TBC1D30: variants seen among roughly 807,000 people sequenced by gnomAD.
The protein encoded by TBC1D30 is TBC1 domain family member 30.
In TBC1D30, 31 loss-of-function variants were observed where a neutral mutation model predicts 63.2. The ratio of observed to expected loss-of-function variants is 0.49; its 90% CI spans 0.37 to 0.66. The LOEUF (loss-of-function observed/expected upper bound fraction) is 0.66, where lower values mean the gene tolerates loss of function less well. Among genes scored for constraint, TBC1D30 ranks in the 30% least tolerant of loss-of-function variants. The pLI is 0.00. For missense variants in TBC1D30, 810 were observed against 953.6 expected (o/e 0.85, Z 1.98); for synonymous variants, 307 against 361.5 (o/e 0.85, Z 1.71).
intron 1 of TBC1D30, chr12:64,768,276 A>G (rs1054585786): frequency 6.6e-6 from 1 of 152,216 alleles, no homozygotes; most frequent in African/African-American, 2.4e-5. Flanking sequence ...AATATAAATA[A>G]TGAGACTTTA....
In TBC1D30 at chr12:64,875,843, G is replaced by A; in HGVS notation, c.*55G>A. 1 of 1,438,032 alleles carries A rather than the reference G, an allele frequency of 7.0e-7. No homozygotes were observed. The highest frequency in any genetic ancestry group is 1.4e-5 in the African/African-American group (1 of 69,822). 89.1% of individuals were successfully genotyped at this position (1,438,032 alleles called of 1,614,324 possible). On this transcript the variant is annotated 3_prime_UTR_variant, in exon 12 of 12. Coordinates refer to ENST00000539867, the MANE Select transcript of TBC1D30 (RefSeq NM_015279.2). ...ACCTTTTCACAGTAGTATAAGGGTT[G>A]CAGCTGAATGGCTCTAAAAGAGTTT... is the stretch of plus-strand genomic sequence containing the variant.
Position 64,866,773 on chromosome 12 carries a change from T to G in TBC1D30, c.1161T>G (p.Ser387Arg), listed in dbSNP as rs1878252242. Residue 387 changes from serine (S) to arginine (R), a missense_variant, in exon 10 of 12, where the codon AGT (serine) becomes AGG (arginine). Physicochemically the swap from Ser to Arg is moderately radical, Grantham distance 110. This residue lies in a region of TBC1D30 where 450 missense variants were observed against 473.0 expected (regional missense o/e 0.95). Coordinates refer to ENST00000539867, the MANE Select transcript of TBC1D30 (RefSeq NM_015279.2). ...TTTTATGTTTTCCAAGACGACATAG[T>G]AAGGCCAGAGACAGTGATGAAGAGA... The part of the protein sequence containing the change: ...VKPTSVSGRH[S>R]KARDSDEEND... 1.3e-6 allele frequency: 2 copies of G among 1,535,806 alleles called. No homozygotes were observed. The highest frequency in any genetic ancestry group is 1.7e-6 in the Non-Finnish European group (2 of 1,146,788).
At chr12:64,868,741 CA>C in intron 10 of TBC1D30, 1 of 196,702 alleles carries the variant, frequency 5.1e-6, no homozygotes, top group Non-Finnish European at 1.0e-5. Flanking sequence ...TGGAAAAAAC[CA>C]GAACAAGTCT....
chr12:64,802,732 T>G (rs1300757212), intron 2 of TBC1D30, among the ~76,000 whole-genome samples: 1 of 152,162 alleles, frequency 6.6e-6, no homozygotes, highest in Non-Finnish European at 1.5e-5. Flanking sequence ...CACCTATGAT[T>G]AAGAACATGT....
intron 2 of TBC1D30, among the ~76,000 whole-genome samples, chr12:64,793,841 C>T (rs1872089735): frequency 6.6e-6 from 1 of 152,224 alleles, no homozygotes; most frequent in Non-Finnish European, 1.5e-5. Flanking sequence ...TGGGCTCCAT[C>T]TGCATGCACT....
At chr12:64,772,219 A>G (rs1870930367) in intron 1 of TBC1D30, among the ~76,000 whole-genome samples, 2 of 148,686 alleles carry the variant, frequency 1.3e-5, no homozygotes, top group Non-Finnish European at 3.0e-5. Context: ...CCTGGGCAAC[A>G]AGAGTGAAAC....
Position 64,864,172 on chromosome 12 carries a change from TA to T in TBC1D30, c.1039-491del, listed in dbSNP as rs985754924. Among the ~76,000 whole-genome samples, 89 of 152,218 alleles carry T rather than the reference TA, an allele frequency of 5.8e-4. 1 individual carries two copies. Among genetic ancestry groups the T allele is most frequent in the African/African-American group, 2.1e-3 (87 of 41,530 alleles). On this transcript the variant is annotated intron_variant, in intron 8 of 11. Transcript: ENST00000539867. ...CACCTAGAACTCATCCACAGACATT[TA>T]AAAAGGTGGTATCTTTGGAGAAAAC...
chr12:64,769,123 A>C (rs543638423), intron 1 of TBC1D30, among the ~76,000 whole-genome samples: 1 of 152,196 alleles, frequency 6.6e-6, no homozygotes, highest in East Asian at 1.9e-4. Context: ...GTACCACTGC[A>C]CTCCAGCCTG....
At chr12:64,785,147 C>CTTTTTTT (rs3033154) in intron 1 of TBC1D30, among the ~76,000 whole-genome samples, 8 of 134,844 alleles carry the variant, frequency 5.9e-5, no homozygotes, top group Non-Finnish European at 6.3e-5. Flanking sequence ...ACTTTAAAGA[C>CTTTTTTT]TTTTTTTTTT....
intron 1 of TBC1D30, 40 bp downstream of exon 1, chr12:64,825,073 G>A: frequency 6.6e-7 from 1 of 1,509,526 alleles, no homozygotes; most frequent in Non-Finnish European, 8.8e-7. Context: ...CTGTAAAGTA[G>A]CGCCGGGGCT....
Position 64,870,740 on chromosome 12 carries a change from T to G in TBC1D30, c.1430T>G (p.Leu477Arg), listed in dbSNP as rs1180304623. 6.5e-7 allele frequency: 1 copy of G among 1,536,130 alleles called. No individual in the cohort carries two copies. Among genetic ancestry groups the G allele is most frequent in the Non-Finnish European group, 8.7e-7 (1 of 1,146,884 alleles). The change falls in exon 11 of 12, where the codon CTG becomes CGG. Residue 477 changes from leucine (L) to arginine (R), a missense_variant. By Grantham distance (102) the Leu-to-Arg change is moderately radical. This residue lies in a region of TBC1D30 where 450 missense variants were observed against 473.0 expected (regional missense o/e 0.95). Transcript: ENST00000539867. ...MERMTTDINA[L>R]KRQYSRIKKK... is the part of the protein sequence containing the mutation. ...CGCATGACCACAGATATCAATGCACTGAAGCGGCAGTACTCTCGAATTAAA... is the reference window on the plus strand; with the variant it reads ...CGCATGACCACAGATATCAATGCACGGAAGCGGCAGTACTCTCGAATTAAA...
rs576129116 is a variant in TBC1D30 at position 64,877,225 on chromosome 12, A to G, written c.*1437A>G. 5.4e-6 allele frequency: 1 copy of G among 186,854 alleles called. No homozygotes were observed. Among genetic ancestry groups the G allele is most frequent in the South Asian group, 1.2e-4 (1 of 8,370 alleles). The allele number at this position is 186,854 out of a possible 1,614,324, so 11.6% of individuals were successfully genotyped here. A position where few individuals can be genotyped will look rare whatever the true frequency, so the allele number is the denominator to read the frequency against. ...GGCTGAACAGAAGGCTCACTCCTCA[A>G]TCCCCTTCTCCTCGCCATCATTAGA... is the stretch of plus-strand genomic sequence containing the variant. On this transcript the variant is annotated 3_prime_UTR_variant, in exon 12 of 12. Coordinates refer to ENST00000539867, the MANE Select transcript of TBC1D30 (RefSeq NM_015279.2).
At chr12:64,866,116 C>G (rs776870891) in intron 9 of TBC1D30, among the ~76,000 whole-genome samples, 21 of 152,272 alleles carry the variant, frequency 1.4e-4, no homozygotes, top group Non-Finnish European at 2.6e-4. Flanking sequence ...GCAATCCTGC[C>G]TTAGCCTCCC....
chr12:64,825,853 G>A (rs554325014), intron 1 of TBC1D30, among the ~76,000 whole-genome samples: 2 of 152,270 alleles, frequency 1.3e-5, no homozygotes, highest in East Asian at 3.9e-4. Flanking sequence ...GAGTGGCACC[G>A]GCTGCGTTCC....
At chr12:64,841,590 C>T (rs1446598647) in intron 7 of TBC1D30, among the ~76,000 whole-genome samples, 1 of 152,186 alleles carries the variant, frequency 6.6e-6, no homozygotes, top group Non-Finnish European at 1.5e-5. Flanking sequence ...CTCAGTAGCT[C>T]TCTTCCCTCA....
Position 64,856,589 on chromosome 12 carries a change from C to T in TBC1D30, c.1039-8079C>T, listed in dbSNP as rs146551767. ...AACTGGGAGTGTGGTGATGCAAACACCCCTGTGGCCACTACCACTGGGACT... is the reference window on the plus strand; with the variant it reads ...AACTGGGAGTGTGGTGATGCAAACATCCCTGTGGCCACTACCACTGGGACT... On this transcript the variant is annotated intron_variant, in intron 8 of 11. Transcript: ENST00000539867. 4.3e-3 allele frequency among the ~76,000 whole-genome samples: 656 copies of T among 152,304 alleles called. 4 individuals carry two copies. The highest frequency in any genetic ancestry group is 0.015 in the African/African-American group (620 of 41,570).
At chr12:64,816,133 A>C (rs1184145206) in intron 2 of TBC1D30, among the ~76,000 whole-genome samples, 1 of 151,872 alleles carries the variant, frequency 6.6e-6, no homozygotes, top group African/African-American at 2.4e-5. Flanking sequence ...CCTGGGTTCA[A>C]GCGATTCCTG....
At chr12:64,868,540 C>CT (rs1426241057) in intron 10 of TBC1D30, 2 of 281,958 alleles carry the variant, frequency 7.1e-6, no homozygotes, top group Non-Finnish European at 1.4e-5. Flanking sequence ...CTGTGTTTAG[C>CT]TTTTTCATAG....
chr12:64,796,036 C>G (rs1349299171), intron 2 of TBC1D30, among the ~76,000 whole-genome samples: 2 of 152,016 alleles, frequency 1.3e-5, no homozygotes, highest in East Asian at 3.9e-4. Flanking sequence ...CCTGAAATAA[C>G]TTAGAATATG....
Sources: allele counts gnomAD v4.1 joint callset (sites outside exome capture counted in the v4.1 genomes callset), GRCh38; gene constraint gnomAD v4.1.1; regional missense constraint gnomAD v4.1.1; transcripts MANE v1.5; gene names NCBI Gene and HGNC (gene_info 2026-07-23, HGNC 2026-07-21).